The following MLLT3 variants were observed in gnomAD, a reference collection of about 807,000 sequenced individuals.
MLLT3 encodes MLLT3 super elongation complex subunit, also known as protein AF-9.
MLLT3 carries 4 observed loss-of-function variants against 53.2 expected under a neutral mutation model. That is an observed-to-expected ratio of 0.08 (90% CI 0.04 to 0.17). The LOEUF (loss-of-function observed/expected upper bound fraction) is 0.17, where lower values mean the gene tolerates loss of function less well. MLLT3 is among the 10% of genes least tolerant of loss of function. The pLI is 1.00. For missense variants in MLLT3, 569 were observed against 684.0 expected (o/e 0.83, Z 1.87); for synonymous variants, 283 against 230.6 (o/e 1.23, Z -2.06).
intron 2 of MLLT3, among the ~76,000 whole-genome samples, chr9:20,597,731 C>T (rs1019561692): frequency 2.6e-5 from 4 of 152,038 alleles, no homozygotes; most frequent in African/African-American, 7.2e-5. Context: ...CTATTTCATG[C>T]TTTTGAATTT....
intron 5 of MLLT3, among the ~76,000 whole-genome samples, chr9:20,390,903 A>G (rs1459231974): frequency 1.3e-5 from 2 of 152,224 alleles, no homozygotes; most frequent in East Asian, 3.8e-4. Flanking sequence ...ACTTGAATCC[A>G]GGAGTTCAAG....
At chr9:20,427,910 C>T (rs1198744555) in intron 4 of MLLT3, among the ~76,000 whole-genome samples, 2 of 151,966 alleles carry the variant, frequency 1.3e-5, no homozygotes, top group African/African-American at 2.4e-5. Context: ...ATAATCAAAA[C>T]TCAGCACTTT....
intron 3 of MLLT3, among the ~76,000 whole-genome samples, chr9:20,453,460 A>C (rs1476203271): frequency 6.6e-6 from 1 of 152,086 alleles, no homozygotes; most frequent in Non-Finnish European, 1.5e-5. Flanking sequence ...CTACTTGGGA[A>C]GCTGAGGTGG....
chr9:20,615,644 C>T (rs185010942), intron 2 of MLLT3, among the ~76,000 whole-genome samples: 83 of 151,768 alleles, frequency 5.5e-4, no homozygotes, highest in African/African-American at 1.9e-3. Flanking sequence ...CAGCAGTTCT[C>T]GGAGTGTAGA....
intron 2 of MLLT3, among the ~76,000 whole-genome samples, chr9:20,581,323 G>C (rs954889945): frequency 6.6e-6 from 1 of 152,066 alleles, no homozygotes; most frequent in Non-Finnish European, 1.5e-5. Context: ...AATTAAAGAG[G>C]TGTTAAACAA....
rs140338135 is a variant in MLLT3 at position 20,514,458 on chromosome 9, C to G, written c.194-57672G>C. Among the ~76,000 whole-genome samples, 341 of 152,120 alleles carry G rather than the reference C, an allele frequency of 2.2e-3. 1 individual carries two copies. The highest frequency in any genetic ancestry group is 7.6e-3 in the African/African-American group (314 of 41,486). Reference sequence around the variant, plus strand: ...AACACCCAAACCAGTAGCAATGAGACTAATATTCAACAAAATGATATGTAG... The same window carrying G: ...AACACCCAAACCAGTAGCAATGAGAGTAATATTCAACAAAATGATATGTAG... On this transcript the variant is annotated intron_variant, in intron 2 of 10. Coordinates refer to ENST00000380338, the MANE Select transcript of MLLT3 (RefSeq NM_004529.4).
intron 2 of MLLT3, among the ~76,000 whole-genome samples, chr9:20,470,734 G>A (rs540570347): frequency 1.3e-5 from 2 of 151,944 alleles, no homozygotes; most frequent in Non-Finnish European, 2.9e-5. Context: ...AGGTACAAAG[G>A]AGGGTAGGGA....
chr9:20,522,275 G>C (rs1407022889), intron 2 of MLLT3, among the ~76,000 whole-genome samples: 1 of 124,130 alleles, frequency 8.1e-6, no homozygotes. Flanking sequence ...TTCCAGCTTT[G>C]AAAGTGACCA....
intron 5 of MLLT3, among the ~76,000 whole-genome samples, chr9:20,405,856 A>G (rs1822564196): frequency 6.6e-6 from 1 of 152,138 alleles, no homozygotes; most frequent in African/African-American, 2.4e-5. Context: ...TCATGTCTGT[A>G]ATCCCAGCAC....
intron 5 of MLLT3, among the ~76,000 whole-genome samples, chr9:20,375,817 C>T (rs1821751700): frequency 6.6e-6 from 1 of 151,768 alleles, no homozygotes; most frequent in Non-Finnish European, 1.5e-5. Flanking sequence ...ACAGTGTTAG[C>T]CAGGATGGTC....
chr9:20,579,627 C>T (rs951978682), intron 2 of MLLT3, among the ~76,000 whole-genome samples: 1 of 152,086 alleles, frequency 6.6e-6, no homozygotes, highest in African/African-American at 2.4e-5. Flanking sequence ...ATTATGGAGG[C>T]ACACAAAATT....
intron 2 of MLLT3, among the ~76,000 whole-genome samples, chr9:20,519,360 T>C (rs1817998822): frequency 6.6e-6 from 1 of 152,230 alleles, no homozygotes; most frequent in African/African-American, 2.4e-5. Context: ...ATGAAACTTT[T>C]CTGTAGACCT....
intron 2 of MLLT3, among the ~76,000 whole-genome samples, chr9:20,533,562 G>A (rs1299216492): frequency 1.3e-5 from 2 of 152,116 alleles, no homozygotes; most frequent in Non-Finnish European, 2.9e-5. Flanking sequence ...CTGGGTATAT[G>A]TCCTAAGGAA....
chr9:20,352,637 T>A (rs1183195956), intron 10 of MLLT3, among the ~76,000 whole-genome samples: 1 of 151,582 alleles, frequency 6.6e-6, no homozygotes, highest in African/African-American at 2.4e-5. Flanking sequence ...CTTGGCAAGT[T>A]TGAGAGTATA....
At position 20,621,631 on chromosome 9, in the gene MLLT3, G is replaced by T; in HGVS notation, c.12+614C>A. ...ACCTCCCCCCAAAAAATGAAATTCA[G>T]AAAGGCAGGGCGGCGGGCGGACAGC... On this transcript the variant is annotated intron_variant, in intron 1 of 10. Coordinates refer to ENST00000380338, the MANE Select transcript of MLLT3 (RefSeq NM_004529.4). The surrounding 1 kb of genome is among the most constrained non-coding windows in gnomAD (Gnocchi z 7.0). 1 of 793,850 alleles carries T rather than the reference G, an allele frequency of 1.3e-6. No homozygotes were observed. The allele number at this position is 793,850 out of a possible 1,614,324, so 49.2% of individuals were successfully genotyped here.
chr9:20,604,850 A>G (rs1051782243), intron 2 of MLLT3, among the ~76,000 whole-genome samples: 1 of 152,150 alleles, frequency 6.6e-6, no homozygotes, highest in Non-Finnish European at 1.5e-5. Flanking sequence ...TTGACAAGCT[A>G]ATTTTTAACA....
chr9:20,474,240 T>A (rs1450903143), intron 2 of MLLT3, among the ~76,000 whole-genome samples: 1 of 152,128 alleles, frequency 6.6e-6, no homozygotes, highest in Admixed American at 6.6e-5. Flanking sequence ...CACATAGAAA[T>A]TTTTATAATA....
At chr9:20,503,024 C>G (rs1420276339) in intron 2 of MLLT3, among the ~76,000 whole-genome samples, 2 of 151,940 alleles carry the variant, frequency 1.3e-5, no homozygotes, top group African/African-American at 4.8e-5. Context: ...ACACCAGAAA[C>G]TATAAAAGAT....
In MLLT3 at chr9:20,365,690, G is replaced by A; in HGVS notation, c.1180C>T (p.Pro394Ser). 6.2e-7 allele frequency: 1 copy of A among 1,614,226 alleles called. No individual in the cohort carries two copies. The highest frequency in any genetic ancestry group is 8.5e-7 in the Non-Finnish European group (1 of 1,180,026). Residue 394 changes from proline (P) to serine (S), a missense_variant, in exon 6 of 11, where the codon CCA (proline) becomes TCA (serine). Pro to Ser is a moderately conservative substitution (Grantham distance 74, BLOSUM62 -1). Around this residue, in one of 5 missense-constraint regions of MLLT3, gnomAD observed 437 missense variants for 376.5 expected, o/e 1.16. Transcript: ENST00000380338. ...ATACCTTGTTGCCTGGTCTGGGATG[G>A]TGTGAAGCTGGAGCTGGAGCTGGAG... ...SSSSSSSSFT[P>S]SQTRQQGPLR... is the part of the protein sequence containing the mutation.
Sources: allele counts gnomAD v4.1 joint callset (sites outside exome capture counted in the v4.1 genomes callset), GRCh38; gene constraint gnomAD v4.1.1; regional missense constraint gnomAD v4.1.1; non-coding constraint Gnocchi (gnomAD v3.1); transcripts MANE v1.5; gene names NCBI Gene and HGNC (gene_info 2026-07-23, HGNC 2026-07-21).